Variants in SENP6 observed in about 807,000 individuals in gnomAD.
SENP6 encodes SUMO specific peptidase 6.
A neutral mutation model predicts 134.5 loss-of-function variants in SENP6; 41 were observed. That is an observed-to-expected ratio of 0.30 (90% CI 0.24 to 0.40). SENP6 has a LOEUF of 0.40. Ranked by LOEUF, SENP6 falls within the 10% of genes least tolerant of loss-of-function variation. SENP6 has a pLI of 1.00. For synonymous variants in SENP6, 395 were observed against 429.8 expected (o/e 0.92, Z 1.00); for missense variants, 1,248 against 1,312.5 (o/e 0.95, Z 0.76).
At chr6:75,696,217 T>A (rs1247854393) in intron 17 of SENP6, among the ~76,000 whole-genome samples, 2 of 152,190 alleles carry the variant, frequency 1.3e-5, no homozygotes, top group African/African-American at 4.8e-5. Context: ...TTAATATAAT[T>A]CATAATATTC....
At chr6:75,606,761 A>G (rs1296036577) in intron 1 of SENP6, among the ~76,000 whole-genome samples, 1 of 151,342 alleles carries the variant, frequency 6.6e-6, no homozygotes, top group Admixed American at 6.6e-5. Flanking sequence ...ATAATATAAT[A>G]AAATTTGCAA....
intron 1 of SENP6, among the ~76,000 whole-genome samples, chr6:75,613,166 C>T (rs192852519): frequency 6.6e-6 from 1 of 151,550 alleles, no homozygotes; most frequent in Non-Finnish European, 1.5e-5. Flanking sequence ...TGTCCAGCTG[C>T]CTGTTTTTAA....
chr6:75,715,574 GTCAATAGTA>G lies in SENP6; in HGVS notation c.3322_3330del (p.Asn1108_Ile1110del), dbSNP rs1274887059. The G allele has an allele frequency of 6.2e-7, 1 of 1,609,878 alleles. No individual in the cohort carries two copies. Among genetic ancestry groups the G allele is most frequent in the Admixed American group, 1.7e-5 (1 of 59,602 alleles). On this transcript the variant is annotated inframe_deletion, in exon 24 of 24. Coordinates refer to ENST00000447266, the MANE Select transcript of SENP6 (RefSeq NM_015571.4). ...TTTAGGCGAAGGAACAGAACAATAT[GTCAATAGTA>G]TCTCAGATTGACCATTTCTGTTACT...
At chr6:75,697,885 C>G (rs1774762771) in intron 18 of SENP6, 1 of 163,136 alleles carries the variant, frequency 6.1e-6, no homozygotes, top group Admixed American at 6.2e-5. Flanking sequence ...TTAAAATACA[C>G]TTCTGTTTTT....
At chr6:75,692,098 C>A (rs186533093) in intron 16 of SENP6, among the ~76,000 whole-genome samples, 4 of 152,192 alleles carry the variant, frequency 2.6e-5, no homozygotes, top group African/African-American at 9.6e-5. Flanking sequence ...TCAGGTGATC[C>A]GCCTGCCTCG....
chr6:75,686,858 C>G (rs1312662391), intron 16 of SENP6, among the ~76,000 whole-genome samples: 1 of 152,178 alleles, frequency 6.6e-6, no homozygotes, highest in Non-Finnish European at 1.5e-5. Context: ...CTTGGGGAAT[C>G]TGACAATTAT....
intron 1 of SENP6, among the ~76,000 whole-genome samples, chr6:75,606,532 A>C (rs1767040697): frequency 6.6e-6 from 1 of 152,220 alleles, no homozygotes; most frequent in Non-Finnish European, 1.5e-5. Context: ...TTTTTCATAG[A>C]GTGTTCAGTC....
At chr6:75,608,135 A>G (rs1767164323) in intron 1 of SENP6, among the ~76,000 whole-genome samples, 1 of 152,184 alleles carries the variant, frequency 6.6e-6, no homozygotes, top group Non-Finnish European at 1.5e-5. Context: ...TACTTGAAAC[A>G]GTAAAGTAGA....
rs551278322 is a variant in SENP6 at position 75,675,423 on chromosome 6, CT to C, written c.1393-3del. The C allele has an allele frequency of 7.8e-4, 1,049 of 1,348,512 alleles. No homozygotes were observed. Among genetic ancestry groups the C allele is most frequent in the Admixed American group, 9.1e-4 (41 of 44,932 alleles). 83.5% of individuals were successfully genotyped at this position (1,348,512 alleles called of 1,614,324 possible). ...TAAGTCTAGAGCAATACTAATTCATCTTTTTTTTTAGTTTTGTTTAGATTTT... is the reference window on the plus strand; with the variant it reads ...TAAGTCTAGAGCAATACTAATTCATCTTTTTTTTAGTTTTGTTTAGATTTT... On this transcript the variant is annotated splice_polypyrimidine_tract_variant and intron_variant, in intron 11 of 23. Coordinates refer to ENST00000447266, the MANE Select transcript of SENP6 (RefSeq NM_015571.4).
At position 75,718,199 on chromosome 6, in the gene SENP6, A is replaced by G. The variant is rs1562087376; in HGVS notation, c.*2605A>G. On this transcript the variant is annotated 3_prime_UTR_variant, in exon 24 of 24. Transcript: ENST00000447266. Reference sequence around the variant, plus strand: ...GACAATGTAAAAAGAATAAGTTTTAATTCCCCCAAAATCAAAAATTGTACT... The same window carrying G: ...GACAATGTAAAAAGAATAAGTTTTAGTTCCCCCAAAATCAAAAATTGTACT... The G allele has an allele frequency of 6.6e-6, 1 of 152,218 alleles. No individual in the cohort carries two copies. Among genetic ancestry groups the G allele is most frequent in the Non-Finnish European group, 1.5e-5 (1 of 68,026 alleles). The allele number at this position is 152,218 out of a possible 1,614,324, so 9.4% of individuals were successfully genotyped here.
intron 8 of SENP6, among the ~76,000 whole-genome samples, chr6:75,660,546 A>T (rs1771693647): frequency 6.6e-6 from 1 of 152,028 alleles, no homozygotes; most frequent in African/African-American, 2.4e-5. Flanking sequence ...GTTTTTTCTG[A>T]CATGTCCCTA....
At chr6:75,674,565 C>T (rs1414812206) in intron 11 of SENP6, among the ~76,000 whole-genome samples, 1 of 152,138 alleles carries the variant, frequency 6.6e-6, no homozygotes, top group African/African-American at 2.4e-5. Context: ...TCAAGCCATC[C>T]TCCCAAAATG....
chr6:75,702,737 A>G lies in SENP6; in HGVS notation c.2381A>G (p.Gln794Arg). ...NPHYHENAVI[Q>R]KCSTVEDSCI... is the part of the protein sequence containing the mutation. ...CATTACCATGAAAATGCTGTCATAC[A>G]GAAATGTTCAACTGTAGAGGACAGT... The change falls in exon 19 of 24, where the codon CAG (glutamine) becomes CGG (arginine). Residue 794 changes from glutamine (Q) to arginine (R), a missense_variant. This residue lies in a region of SENP6 where 386 missense variants were observed against 395.0 expected (regional missense o/e 0.98). Coordinates refer to ENST00000447266, the MANE Select transcript of SENP6 (RefSeq NM_015571.4). The G allele has an allele frequency of 6.2e-7, 1 of 1,614,090 alleles. No individual in the cohort carries two copies. Among genetic ancestry groups the G allele is most frequent in the Non-Finnish European group, 8.5e-7 (1 of 1,179,982 alleles).
chr6:75,628,977 G>A (rs1418809807), intron 3 of SENP6, among the ~76,000 whole-genome samples: 1 of 152,114 alleles, frequency 6.6e-6, no homozygotes, highest in Non-Finnish European at 1.5e-5. Flanking sequence ...CACCCACCTT[G>A]GCCTCCCAAA....
intron 3 of SENP6, among the ~76,000 whole-genome samples, chr6:75,624,466 G>A (rs2149831428): frequency 1.3e-5 from 2 of 152,096 alleles, no homozygotes; most frequent in East Asian, 3.9e-4. Context: ...TATCAGGACA[G>A]GTCCATTTCT....
intron 21 of SENP6, among the ~76,000 whole-genome samples, 161 bp from the exon 22 acceptor site, chr6:75,713,348 CGTAT>C (rs1327445659): frequency 1.3e-5 from 2 of 151,986 alleles, no homozygotes; most frequent in East Asian, 3.9e-4. Flanking sequence ...TTATAAGGTT[CGTAT>C]GTGTCTATAA....
intron 1 of SENP6, among the ~76,000 whole-genome samples, chr6:75,606,628 T>G (rs545282921): frequency 3.3e-5 from 5 of 152,324 alleles, no homozygotes; most frequent in African/African-American, 1.2e-4. Flanking sequence ...GTGGATTGTT[T>G]ATACAAGTTG....
intron 19 of SENP6, among the ~76,000 whole-genome samples, chr6:75,708,692 C>A (rs1414313469): frequency 1.3e-5 from 2 of 152,012 alleles, no homozygotes; most frequent in Non-Finnish European, 1.5e-5. Flanking sequence ...GACAGGAGTT[C>A]AAGACCAGCC....
At chr6:75,616,058 CT>C (rs1767827032) in intron 1 of SENP6, among the ~76,000 whole-genome samples, 1 of 152,090 alleles carries the variant, frequency 6.6e-6, no homozygotes, top group Non-Finnish European at 1.5e-5. Context: ...CTCTCTGGTT[CT>C]TTTTGTTCTT....
Sources: gnomAD v4.1 joint callset for allele counts (sites outside exome capture counted in the v4.1 genomes callset) on GRCh38, gnomAD v4.1.1 for gene constraint, gnomAD v4.1.1 regional missense constraint, MANE v1.5 for transcripts, NCBI Gene and HGNC (gene_info 2026-07-23, HGNC 2026-07-21) for gene names.